CNKSR3: variants seen among roughly 807,000 people sequenced by gnomAD.
The protein encoded by CNKSR3 is CNKSR family member 3, also known as connector enhancer of kinase suppressor of ras 3.
In CNKSR3, 36 loss-of-function variants were observed where a neutral mutation model predicts 67.7. The ratio of observed to expected loss-of-function variants is 0.53; its 90% CI spans 0.41 to 0.70. CNKSR3 has a LOEUF of 0.70. Among genes scored for constraint, CNKSR3 ranks in the 30% least tolerant of loss-of-function variants. The pLI is 0.00. For synonymous variants in CNKSR3, 281 were observed against 271.4 expected (o/e 1.04, Z -0.35); for missense variants, 630 against 695.2 (o/e 0.91, Z 1.05).
rs1342236936 is a variant in CNKSR3, at chr6:154,394,658, A to G, written c.*11696T>C. ...AAAGAAGAATTCCAAAGGAAACAGA[A>G]GAAAATAGAAAATAAAAAGCAGAAA... On this transcript the variant is annotated 3_prime_UTR_variant, in exon 13 of 13. Transcript: ENST00000607772. 1 of 151,934 alleles carries G rather than the reference A, an allele frequency of 6.6e-6. No individual in the cohort carries two copies. The highest frequency in any genetic ancestry group is 1.9e-4 in the East Asian group (1 of 5,194). 9.4% of individuals were successfully genotyped at this position (151,934 alleles called of 1,614,324 possible).
At chr6:154,431,721 TG>T (rs1785373044) in intron 5 of CNKSR3, among the ~76,000 whole-genome samples, 1 of 152,200 alleles carries the variant, frequency 6.6e-6, no homozygotes, top group Admixed American at 6.5e-5. Context: ...TCTGTGGTTT[TG>T]ATTTTCTAGA....
At chr6:154,419,591 G>A (rs973744569) in intron 9 of CNKSR3, among the ~76,000 whole-genome samples, 2 of 152,084 alleles carry the variant, frequency 1.3e-5, no homozygotes, top group Non-Finnish European at 2.9e-5. Flanking sequence ...ACACTACGGA[G>A]GTTTCCTGAA....
chr6:154,419,950 G>A (rs951779392), intron 9 of CNKSR3, among the ~76,000 whole-genome samples: 1 of 151,984 alleles, frequency 6.6e-6, no homozygotes, highest in African/African-American at 2.4e-5. Flanking sequence ...CGTAGTGGCG[G>A]GCACTTGTAA....
chr6:154,460,104 A>C (rs977272392), intron 1 of CNKSR3, among the ~76,000 whole-genome samples: 9 of 152,190 alleles, frequency 5.9e-5, no homozygotes, highest in Non-Finnish European at 1.2e-4. Flanking sequence ...AGGGAGAAGC[A>C]CCCAGAGCAG....
rs1784732420 is a variant in CNKSR3, at chr6:154,402,829, A to G, written c.*3525T>C. 6.6e-6 allele frequency: 1 copy of G among 152,132 alleles called. No homozygotes were observed. The highest frequency in any genetic ancestry group is 1.5e-5 in the Non-Finnish European group (1 of 68,028). The allele number at this position is 152,132 out of a possible 1,614,324, so 9.4% of individuals were successfully genotyped here. On this transcript the variant is annotated 3_prime_UTR_variant, in exon 13 of 13. Transcript: ENST00000607772. The stretch of plus-strand genomic sequence containing the variant: ...ATTGGTAACTACCACATTCATGGTG[A>G]TTTTTCACATATTTATATTTATACA...
chr6:154,441,208 A>T, intron 4 of CNKSR3, 84 bp downstream of exon 4: 1 of 987,570 alleles, frequency 1.0e-6, no homozygotes, highest in Non-Finnish European at 1.5e-6. Flanking sequence ...AGTACTTCAT[A>T]CCTGCATGAA....
chr6:154,409,852 T>C (rs1562318170), intron 12 of CNKSR3, among the ~76,000 whole-genome samples: 1 of 146,652 alleles, frequency 6.8e-6, no homozygotes, highest in Non-Finnish European at 1.5e-5. Flanking sequence ...GAGACCAGCC[T>C]GGACAACATA....
intron 1 of CNKSR3, among the ~76,000 whole-genome samples, chr6:154,477,304 G>A (rs1156365404): frequency 1.3e-5 from 2 of 151,696 alleles, no homozygotes; most frequent in Admixed American, 6.6e-5. Context: ...GAGCTTCTTT[G>A]TAATTTTTAT....
At chr6:154,426,456 A>C (rs1290267554) in intron 7 of CNKSR3, among the ~76,000 whole-genome samples, 1 of 151,996 alleles carries the variant, frequency 6.6e-6, no homozygotes, top group African/African-American at 2.4e-5. Flanking sequence ...CCCGGGTTCA[A>C]GCAATTCTCC....
intron 2 of CNKSR3, among the ~76,000 whole-genome samples, chr6:154,447,609 C>A (rs924294347): frequency 2.0e-5 from 3 of 152,172 alleles, no homozygotes; most frequent in Non-Finnish European, 4.4e-5. Context: ...GTTTTGGAAT[C>A]TTCATTAATA....
chr6:154,471,440 T>TGAGGCAGGAGAATTGCTTC (rs1265923249), intron 1 of CNKSR3, among the ~76,000 whole-genome samples: 1 of 152,120 alleles, frequency 6.6e-6, no homozygotes, highest in African/African-American at 2.4e-5. Flanking sequence ...CTGGGGAGTC[T>TGAGGCAGGAGAATTGCTTC]GAGGCAGGAG....
Position 154,420,273 on chromosome 6 carries a change from T to C in CNKSR3, c.945+2233A>G, listed in dbSNP as rs989677158. Among the ~76,000 whole-genome samples, 3 of 150,546 alleles carry C rather than the reference T, an allele frequency of 2.0e-5. No homozygotes were observed. In the South Asian group the frequency reaches 6.3e-4, roughly 32 times the overall value. On this transcript the variant is annotated intron_variant, in intron 9 of 12. Transcript: ENST00000607772. Reference sequence around the variant, plus strand: ...CTCTTAGAAACAGAGAGTAGAATGGTGGCTGCCAGAGGTTAGAAGGAAGGG... The same window carrying C: ...CTCTTAGAAACAGAGAGTAGAATGGCGGCTGCCAGAGGTTAGAAGGAAGGG...
intron 7 of CNKSR3, among the ~76,000 whole-genome samples, chr6:154,424,839 T>A (rs1015740392): frequency 6.6e-6 from 1 of 152,216 alleles, no homozygotes. Flanking sequence ...TGGTGTGATC[T>A]CAGCCCACTG....
intron 1 of CNKSR3, 55 bp from the exon 2 acceptor site, chr6:154,450,313 C>T: frequency 6.4e-7 from 1 of 1,558,378 alleles, no homozygotes; most frequent in Non-Finnish European, 8.8e-7. Context: ...TTACCCACCC[C>T]CTGCAAACTG....
chr6:154,392,268 C>A lies in CNKSR3; in HGVS notation c.*14086G>T, dbSNP rs535815500. On this transcript the variant is annotated 3_prime_UTR_variant, in exon 13 of 13. Coordinates refer to ENST00000607772, the MANE Select transcript of CNKSR3 (RefSeq NM_173515.4). Reference sequence around the variant, plus strand: ...TCTTCTGATGCTTTTTCCCACTCAGCACTATATTAATAAAATCCATCTCTT... The same window carrying A: ...TCTTCTGATGCTTTTTCCCACTCAGAACTATATTAATAAAATCCATCTCTT... 7.9e-5 allele frequency: 12 copies of A among 151,886 alleles called. No homozygotes were observed. The highest frequency in any genetic ancestry group is 2.7e-4 in the African/African-American group (11 of 41,426). The allele number at this position is 151,886 out of a possible 1,614,324, so 9.4% of individuals were successfully genotyped here.
intron 1 of CNKSR3, among the ~76,000 whole-genome samples, chr6:154,454,859 A>C (rs1239926203): frequency 6.6e-6 from 1 of 152,110 alleles, no homozygotes; most frequent in Non-Finnish European, 1.5e-5. Flanking sequence ...TTGAAAGAGA[A>C]TAAAAGTTGC....
chr6:154,493,727 G>A (rs975032508), intron 1 of CNKSR3, among the ~76,000 whole-genome samples: 1 of 152,180 alleles, frequency 6.6e-6, no homozygotes, highest in Non-Finnish European at 1.5e-5. Flanking sequence ...GTCGGAAGGC[G>A]AAGGGGAGGC....
At chr6:154,448,031 C>T (rs1191652157) in intron 2 of CNKSR3, among the ~76,000 whole-genome samples, 2 of 152,072 alleles carry the variant, frequency 1.3e-5, no homozygotes, top group African/African-American at 2.4e-5. Context: ...CCCCCCCTGT[C>T]CAATGTAGTC....
intron 1 of CNKSR3, among the ~76,000 whole-genome samples, chr6:154,504,962 T>G (rs1787069250): frequency 6.6e-6 from 1 of 151,746 alleles, no homozygotes; most frequent in Admixed American, 6.5e-5. Flanking sequence ...AAGAGAATTT[T>G]ATCACTGGAG....
Sources: gnomAD v4.1 joint callset for allele counts (sites outside exome capture counted in the v4.1 genomes callset) on GRCh38, gnomAD v4.1.1 for gene constraint, MANE v1.5 for transcripts, NCBI Gene and HGNC (gene_info 2026-07-23, HGNC 2026-07-21) for gene names.